RPS6KC1: variants seen among roughly 807,000 people sequenced by gnomAD.
RPS6KC1 encodes the protein ribosomal protein S6 kinase C1, also known as inactive ribosomal protein S6 kinase delta-1.
Under a neutral mutation model 103.8 loss-of-function variants are expected in RPS6KC1, and 54 were observed. That is an observed-to-expected ratio of 0.52 (90% CI 0.42 to 0.65). The LOEUF is 0.65. Ranked by LOEUF, RPS6KC1 falls within the 30% of genes least tolerant of loss-of-function variation. RPS6KC1 has a pLI of 0.00. For missense variants in RPS6KC1, 1,151 were observed against 1,253.8 expected, an observed-to-expected ratio of 0.92 and a Z score of 1.24; for synonymous variants, 439 against 438.7, an observed-to-expected ratio of 1.00 and a Z score of -0.01.
chr1:213,587,188 G>A, the RPS6KC1 span, among the ~76,000 whole-genome samples: 2 of 152,210 alleles, frequency 1.3e-5, no homozygotes, highest in Admixed American at 1.3e-4. Flanking sequence ...GTTGGGTGAG[G>A]AACAGGGTTG....
the RPS6KC1 span, among the ~76,000 whole-genome samples, chr1:213,521,964 C>A: frequency 6.6e-6 from 1 of 152,188 alleles, no homozygotes; most frequent in Admixed American, 6.5e-5. Flanking sequence ...TGACCTCCTC[C>A]TGTGAATCAC....
the RPS6KC1 span, among the ~76,000 whole-genome samples, chr1:213,335,308 G>T: frequency 6.6e-6 from 1 of 152,322 alleles, no homozygotes; most frequent in African/African-American, 2.4e-5. Context: ...GATTAGCTGG[G>T]GCTGCGAGTG....
chr1:213,668,118 T>C, the RPS6KC1 span, among the ~76,000 whole-genome samples: 1 of 152,214 alleles, frequency 6.6e-6, no homozygotes, highest in African/African-American at 2.4e-5. Context: ...GAATCACAAA[T>C]GTCCTTAATG....
At chr1:213,069,913 T>C (rs913070636) in intron 1 of RPS6KC1, among the ~76,000 whole-genome samples, 1 of 152,220 alleles carries the variant, frequency 6.6e-6, no homozygotes, top group African/African-American at 2.4e-5. Context: ...ACCTAGCCTT[T>C]TCAAAAGTTT....
At chr1:213,479,879 C>T in the RPS6KC1 span, among the ~76,000 whole-genome samples, 3 of 151,768 alleles carry the variant, frequency 2.0e-5, 1 homozygote, top group East Asian at 5.8e-4. Flanking sequence ...TGTTATTTCT[C>T]TACTAATTTT....
chr1:213,857,852 A>C, the RPS6KC1 span, among the ~76,000 whole-genome samples: 2 of 152,214 alleles, frequency 1.3e-5, no homozygotes, highest in African/African-American at 4.8e-5. Context: ...GTCCAGCCCC[A>C]TCAGCACCAC....
chr1:213,279,820 C>T, the RPS6KC1 span, among the ~76,000 whole-genome samples: 1 of 152,134 alleles, frequency 6.6e-6, no homozygotes, highest in Non-Finnish European at 1.5e-5. Context: ...AATAAGTGAT[C>T]CCCAGGTCAT....
chr1:213,780,789 C>T, the RPS6KC1 span, among the ~76,000 whole-genome samples: 1 of 152,018 alleles, frequency 6.6e-6, no homozygotes, highest in African/African-American at 2.4e-5. Context: ...TTTGGGAGGC[C>T]GAGGCAGACA....
At chr1:213,135,971 C>G (rs1188063874) in intron 6 of RPS6KC1, among the ~76,000 whole-genome samples, 1 of 152,140 alleles carries the variant, frequency 6.6e-6, no homozygotes, top group African/African-American at 2.4e-5. Flanking sequence ...GTAGCAAAAT[C>G]GTAACCAACT....
chr1:213,393,599 G>C, the RPS6KC1 span, among the ~76,000 whole-genome samples: 1 of 152,146 alleles, frequency 6.6e-6, no homozygotes, highest in African/African-American at 2.4e-5. Context: ...CATTTTCCAC[G>C]CTGATGATCC....
intron 6 of RPS6KC1, among the ~76,000 whole-genome samples, chr1:213,155,117 GT>G (rs1158933988): frequency 6.6e-6 from 1 of 152,162 alleles, no homozygotes; most frequent in East Asian, 1.9e-4. Flanking sequence ...GGCTGAGGTG[GT>G]TTCCAAGATG....
At chr1:213,460,031 A>G in the RPS6KC1 span, among the ~76,000 whole-genome samples, 2 of 152,164 alleles carry the variant, frequency 1.3e-5, no homozygotes, top group African/African-American at 4.8e-5. Context: ...AATAAGTGCA[A>G]TGTGGTGCTG....
chr1:213,166,619 T>C (rs564420505), intron 6 of RPS6KC1, among the ~76,000 whole-genome samples: 22 of 152,030 alleles, frequency 1.4e-4, no homozygotes, highest in African/African-American at 4.3e-4. Context: ...ATAGAAATTT[T>C]CCCCCCACCA....
the RPS6KC1 span, among the ~76,000 whole-genome samples, chr1:213,312,656 C>T: frequency 6.6e-6 from 1 of 152,198 alleles, no homozygotes; most frequent in African/African-American, 2.4e-5. Context: ...AAACCTCGGT[C>T]CTGATTGAAA....
the RPS6KC1 span, among the ~76,000 whole-genome samples, chr1:213,485,129 G>A: frequency 6.6e-6 from 1 of 152,182 alleles, no homozygotes; most frequent in African/African-American, 2.4e-5. Flanking sequence ...GCCTCCCAAA[G>A]TGCTGGGCTT....
the RPS6KC1 span, among the ~76,000 whole-genome samples, chr1:213,481,461 C>T: frequency 6.6e-6 from 1 of 151,980 alleles, no homozygotes; most frequent in Non-Finnish European, 1.5e-5. Flanking sequence ...AGTCTTAGGC[C>T]CTTTACTCAG....
the RPS6KC1 span, among the ~76,000 whole-genome samples, chr1:213,630,269 G>A: frequency 9.2e-5 from 14 of 151,732 alleles, no homozygotes; most frequent in African/African-American, 3.4e-4. Context: ...TTTCTTGGAG[G>A]CTTTGTTTCT....
chr1:213,468,193 A>G, the RPS6KC1 span, among the ~76,000 whole-genome samples: 555 of 152,360 alleles, frequency 3.6e-3, 2 homozygotes, highest in African/African-American at 0.013. Context: ...GCACTAAATG[A>G]GTGGAACCTT....
intron 12 of RPS6KC1, among the ~76,000 whole-genome samples, chr1:213,251,244 T>G (rs943693755): frequency 2.6e-5 from 4 of 151,862 alleles, no homozygotes; most frequent in Non-Finnish European, 4.4e-5. Flanking sequence ...GTAGCTGGGA[T>G]TACAGATGGC....
Sources: allele counts gnomAD v4.1 joint callset (sites outside exome capture counted in the v4.1 genomes callset), GRCh38; gene constraint gnomAD v4.1.1; transcripts MANE v1.5; gene names NCBI Gene and HGNC (gene_info 2026-07-23, HGNC 2026-07-21).